STAC: variants seen among roughly 807,000 people sequenced by gnomAD.
STAC encodes the protein SH3 and cysteine-rich domain-containing protein.
In STAC, 43 loss-of-function variants were observed where a neutral mutation model predicts 48.8. That is an observed-to-expected ratio of 0.88 (90% CI 0.69 to 1.14). STAC has a LOEUF of 1.14. STAC is among the 50% of genes most tolerant of loss of function. The probability of loss-of-function intolerance (pLI) is 0.00; values close to 1 mark genes in which losing one functional copy is unlikely to be tolerated. For missense variants in STAC, 497 were observed against 504.0 expected (o/e 0.99, Z 0.13); for synonymous variants, 193 against 179.5 (o/e 1.07, Z -0.60).
intron 4 of STAC, 147 bp downstream of exon 4, chr3:36,485,205 G>A (rs1250027925): frequency 9.2e-6 from 5 of 545,932 alleles, no homozygotes; most frequent in Non-Finnish European, 1.2e-5. Flanking sequence ...GTGTTTTGCT[G>A]GAAGGGAAAC....
At chr3:36,495,876 C>G (rs1309448693) in intron 6 of STAC, among the ~76,000 whole-genome samples, 1 of 152,206 alleles carries the variant, frequency 6.6e-6, no homozygotes, top group East Asian at 1.9e-4. Flanking sequence ...TTAGAAATAG[C>G]AAGTTTCAGG....
intron 6 of STAC, among the ~76,000 whole-genome samples, chr3:36,503,505 A>G (rs957526246): frequency 3.3e-5 from 5 of 152,032 alleles, no homozygotes; most frequent in African/African-American, 1.2e-4. Context: ...ATCTTACCTT[A>G]CTGCAACCTC....
At chr3:36,385,201 C>A (rs1699590933) in intron 1 of STAC, among the ~76,000 whole-genome samples, 1 of 152,106 alleles carries the variant, frequency 6.6e-6, no homozygotes, top group Non-Finnish European at 1.5e-5. Flanking sequence ...ACGTAGTCTT[C>A]CTATACTTTT....
chr3:36,498,338 G>C (rs1045292835), intron 6 of STAC, among the ~76,000 whole-genome samples: 6 of 152,060 alleles, frequency 3.9e-5, no homozygotes, highest in Admixed American at 3.9e-4. Context: ...CTAAAATATA[G>C]AACCAAAGAA....
intron 6 of STAC, among the ~76,000 whole-genome samples, chr3:36,501,686 A>G (rs1398848358): frequency 2.0e-5 from 3 of 152,224 alleles, no homozygotes; most frequent in East Asian, 3.8e-4. Flanking sequence ...CTAGGCCTGA[A>G]AAACTTTATA....
chr3:36,404,802 A>G (rs1467357830), intron 1 of STAC, among the ~76,000 whole-genome samples: 1 of 152,112 alleles, frequency 6.6e-6, no homozygotes, highest in Non-Finnish European at 1.5e-5. Context: ...TAGTAAGTTC[A>G]CAGAAATGTT....
chr3:36,484,502 A>G (rs1389710611), intron 3 of STAC, among the ~76,000 whole-genome samples: 2 of 152,242 alleles, frequency 1.3e-5, no homozygotes, highest in African/African-American at 2.4e-5. Context: ...TAGAATCCAG[A>G]TTACAGAGCA....
chr3:36,412,592 T>C (rs1700221738), intron 1 of STAC, among the ~76,000 whole-genome samples: 1 of 152,180 alleles, frequency 6.6e-6, no homozygotes, highest in African/African-American at 2.4e-5. Flanking sequence ...ACATTGTCAT[T>C]TGTCAGTTTT....
chr3:36,505,139 A>G (rs532752048), intron 7 of STAC, among the ~76,000 whole-genome samples: 7 of 152,294 alleles, frequency 4.6e-5, no homozygotes, highest in Admixed American at 3.9e-4. Context: ...TGCATGTAAC[A>G]TAATGCCTAG....
At chr3:36,539,204 T>C (rs1367164352) in intron 10 of STAC, among the ~76,000 whole-genome samples, 3 of 152,206 alleles carry the variant, frequency 2.0e-5, no homozygotes, top group Admixed American at 6.5e-5. Context: ...TCTTTTCTTT[T>C]CTTTAACTTT....
chr3:36,473,215 T>C (rs1422054725), intron 2 of STAC, among the ~76,000 whole-genome samples: 1 of 152,116 alleles, frequency 6.6e-6, no homozygotes, highest in African/African-American at 2.4e-5. Context: ...GGCTGCATGA[T>C]TCAATTACCT....
chr3:36,441,538 T>C (rs1325235740), intron 1 of STAC, among the ~76,000 whole-genome samples: 1 of 152,224 alleles, frequency 6.6e-6, no homozygotes. Context: ...CTATTGTGAA[T>C]AGTGCTACAA....
chr3:36,431,713 G>A (rs1217340857), intron 1 of STAC, among the ~76,000 whole-genome samples: 3 of 152,142 alleles, frequency 2.0e-5, no homozygotes, highest in Non-Finnish European at 4.4e-5. Flanking sequence ...GCACACTTCC[G>A]TCAGTAGTTC....
chr3:36,488,616 A>G (rs986160949), intron 5 of STAC, among the ~76,000 whole-genome samples: 1 of 55,430 alleles, frequency 1.8e-5, no homozygotes, highest in African/African-American at 1.0e-4. Flanking sequence ...AACCAGTCCT[A>G]CAGATATTGC....
intron 2 of STAC, among the ~76,000 whole-genome samples, chr3:36,455,760 GGTGTGT>G (rs71085125): frequency 6.0e-5 from 9 of 149,164 alleles, no homozygotes; most frequent in Admixed American, 1.3e-4. Context: ...GAAACAGGCA[GGTGTGT>G]GTGTGTGTGT....
chr3:36,459,598 G>A (rs1032774172), intron 2 of STAC, among the ~76,000 whole-genome samples: 3 of 152,160 alleles, frequency 2.0e-5, no homozygotes, highest in Non-Finnish European at 2.9e-5. Context: ...CCTCATTTAG[G>A]AGGCACCATA....
intron 6 of STAC, among the ~76,000 whole-genome samples, chr3:36,501,746 A>G (rs995150888): frequency 6.6e-6 from 1 of 152,220 alleles, no homozygotes; most frequent in Admixed American, 6.5e-5. Flanking sequence ...AGATTACATA[A>G]GCTCTTTCAG....
chr3:36,445,151 T>C (rs1217233034), intron 2 of STAC, among the ~76,000 whole-genome samples: 1 of 152,152 alleles, frequency 6.6e-6, no homozygotes, highest in Non-Finnish European at 1.5e-5. Flanking sequence ...GTAACAGAAA[T>C]GAGTTCACCT....
intron 6 of STAC, among the ~76,000 whole-genome samples, chr3:36,496,182 A>G (rs1284201047): frequency 6.6e-6 from 1 of 152,220 alleles, no homozygotes; most frequent in Admixed American, 6.5e-5. Context: ...AGTGTTGGAG[A>G]TGTATTAACA....
Sources: gnomAD v4.1 joint callset for allele counts (sites outside exome capture counted in the v4.1 genomes callset) on GRCh38, gnomAD v4.1.1 for gene constraint, MANE v1.5 for transcripts, NCBI Gene and HGNC (gene_info 2026-07-23, HGNC 2026-07-21) for gene names.